UTRN: variants seen among roughly 807,000 people sequenced by gnomAD.
The protein encoded by UTRN is dystrophin-related protein 1.
In UTRN, 283 loss-of-function variants were observed where a neutral mutation model predicts 463.9. That is an observed-to-expected ratio of 0.61 (90% CI 0.55 to 0.67). The LOEUF is 0.67. Among genes scored for constraint, UTRN ranks in the 30% least tolerant of loss-of-function variants. UTRN has a pLI of 0.00. For missense variants in UTRN, 3,922 were observed against 4,084.3 expected (o/e 0.96, Z 1.08); for synonymous variants, 1,442 against 1,431.5 (o/e 1.01, Z -0.17).
chr6:144,569,400 A>G (rs1268364958), intron 50 of UTRN, among the ~76,000 whole-genome samples: 3 of 152,148 alleles, frequency 2.0e-5, no homozygotes, highest in African/African-American at 4.8e-5. Context: ...AAATTCCAGG[A>G]CACTTATCAT....
chr6:144,836,743 C>T, intron 71 of UTRN: 5 of 761,512 alleles, frequency 6.6e-6, no homozygotes, highest in Non-Finnish European at 1.0e-5. Flanking sequence ...GTTTGCCCAG[C>T]TTACAATGGA....
intron 9 of UTRN, among the ~76,000 whole-genome samples, chr6:144,435,377 C>G (rs1786438593): frequency 6.6e-6 from 1 of 152,068 alleles, no homozygotes; most frequent in Admixed American, 6.5e-5. Context: ...TCAGATAAAC[C>G]AGAGGGCAAC....
Position 144,286,241 on chromosome 6 carries a change from A to T in UTRN, c.-93+420A>T, listed in dbSNP as rs983712383. 6.6e-6 allele frequency among the ~76,000 whole-genome samples: 1 copy of T among 150,954 alleles called. No homozygotes were observed. The highest frequency in any genetic ancestry group is 2.5e-5 in the African/African-American group (1 of 40,246). On this transcript the variant is annotated intron_variant, in intron 1 of 74. Transcript: ENST00000367545. The surrounding 1 kb of genome is among the most constrained non-coding windows in gnomAD (Gnocchi z 4.4). Reference sequence around the variant, plus strand: ...TTTGCAAGAGGGGACGTGGCCTCTTAGGAGAGTCTGTCACAGACACCCGGG... The same window carrying T: ...TTTGCAAGAGGGGACGTGGCCTCTTTGGAGAGTCTGTCACAGACACCCGGG...
At chr6:144,559,182 G>A (rs1585269277) in intron 50 of UTRN, among the ~76,000 whole-genome samples, 1 of 151,764 alleles carries the variant, frequency 6.6e-6, no homozygotes, top group Non-Finnish European at 1.5e-5. Context: ...GATGGAAGAG[G>A]CAATTAAAAA....
At position 144,448,636 on chromosome 6, in the gene UTRN, A is replaced by T. The variant is rs759019879; in HGVS notation, c.1939A>T (p.Ile647Phe). The change falls in exon 17 of 75, where the codon ATT (isoleucine) becomes TTT (phenylalanine). Residue 647 changes from isoleucine (I) to phenylalanine (F), a missense_variant. This residue lies in a region of UTRN where 2,349 missense variants were observed against 2,303.8 expected (regional missense o/e 1.02). Transcript: ENST00000367545. Reference sequence around the variant, plus strand: ...TGTAGCAAAGCTGGGGATGTCTCAGATTCCTCAGAAGGACCTTTTGGAGAC... The same window carrying T: ...TGTAGCAAAGCTGGGGATGTCTCAGTTTCCTCAGAAGGACCTTTTGGAGAC... ...QAVAKLGMSQIPQKDLLETVR... is the reference protein window; with the variant it reads ...QAVAKLGMSQFPQKDLLETVR... 3.3e-5 allele frequency: 53 copies of T among 1,613,876 alleles called. No individual in the cohort carries two copies. The highest frequency in any genetic ancestry group is 4.3e-5 in the Non-Finnish European group (51 of 1,179,906).
At chr6:144,551,439 T>C (rs1253934536) in intron 48 of UTRN, among the ~76,000 whole-genome samples, 1 of 152,216 alleles carries the variant, frequency 6.6e-6, no homozygotes, top group Non-Finnish European at 1.5e-5. Context: ...CATTATACTT[T>C]ATTCTCTAAA....
chr6:144,521,920 T>G, intron 39 of UTRN, 60 bp from the exon 40 acceptor site: 1 of 1,049,262 alleles, frequency 9.5e-7, no homozygotes, highest in Non-Finnish European at 1.2e-6. Flanking sequence ...TTATTCATTG[T>G]GGGGGTATTT....
At chr6:144,419,739 G>T (rs1331454491) in intron 3 of UTRN, among the ~76,000 whole-genome samples, 1 of 152,152 alleles carries the variant, frequency 6.6e-6, no homozygotes, top group Non-Finnish European at 1.5e-5. Context: ...TGAAGCCTTT[G>T]CCCACTCCCT....
rs150700386 is a variant in UTRN at position 144,743,446 on chromosome 6, T to C, written c.7940-4800T>C. ...AAAGGAAGAGTTTTTTTTCCTCTAC[T>C]ATCAAGATTTCTTTGAGATATACAG... is the stretch of plus-strand genomic sequence containing the variant. On this transcript the variant is annotated intron_variant, in intron 54 of 74. Coordinates refer to ENST00000367545, the MANE Select transcript of UTRN (RefSeq NM_007124.3). Among the ~76,000 whole-genome samples the C allele has an allele frequency of 2.6e-4, 39 of 152,352 alleles. No homozygotes were observed. In the East Asian group the frequency reaches 4.0e-3, roughly 16 times the overall value.
intron 23 of UTRN, among the ~76,000 whole-genome samples, chr6:144,472,235 G>A (rs535548882): frequency 5.3e-5 from 8 of 152,042 alleles, no homozygotes; most frequent in African/African-American, 1.9e-4. Flanking sequence ...AAAGAATGTC[G>A]TGGTCACCAG....
chr6:144,356,032 G>A (rs1425377669), intron 2 of UTRN, among the ~76,000 whole-genome samples: 1 of 152,192 alleles, frequency 6.6e-6, no homozygotes, highest in Non-Finnish European at 1.5e-5. Context: ...CAATTCTTGT[G>A]AGAATGATTC....
chr6:144,524,654 CT>C (rs1459192062), intron 41 of UTRN, among the ~76,000 whole-genome samples: 1 of 152,088 alleles, frequency 6.6e-6, no homozygotes, highest in Non-Finnish European at 1.5e-5. Flanking sequence ...GTTTGAGTTC[CT>C]TTTAACCAAT....
intron 3 of UTRN, among the ~76,000 whole-genome samples, chr6:144,418,638 A>G (rs528400727): frequency 1.3e-4 from 19 of 151,468 alleles, no homozygotes; most frequent in Admixed American, 1.1e-3. Context: ...TGCAGTCTCC[A>G]TCTCCTCTGG....
chr6:144,780,088 T>G (rs933902572), intron 60 of UTRN, among the ~76,000 whole-genome samples: 13 of 152,216 alleles, frequency 8.5e-5, no homozygotes, highest in African/African-American at 3.1e-4. Context: ...ATGGACACAT[T>G]TCATACATGT....
chr6:144,618,666 AT>A (rs1248787321), intron 51 of UTRN, among the ~76,000 whole-genome samples: 2 of 152,108 alleles, frequency 1.3e-5, no homozygotes, highest in Non-Finnish European at 1.5e-5. Context: ...TTTGACAGAT[AT>A]TTATTTTTGT....
chr6:144,636,642 C>T (rs1016347360), intron 51 of UTRN, among the ~76,000 whole-genome samples: 17 of 152,186 alleles, frequency 1.1e-4, no homozygotes, highest in African/African-American at 4.1e-4. Flanking sequence ...GTATTCTTTT[C>T]CTCATATTTC....
intron 2 of UTRN, chr6:144,397,935 C>T (rs1044136112): frequency 1.2e-5 from 2 of 165,576 alleles, no homozygotes; most frequent in Admixed American, 1.2e-4. Context: ...TTTCCTTTCC[C>T]TTCTCACTTC....
At chr6:144,719,603 T>C (rs1786885510) in intron 53 of UTRN, among the ~76,000 whole-genome samples, 1 of 151,784 alleles carries the variant, frequency 6.6e-6, no homozygotes, top group Non-Finnish European at 1.5e-5. Flanking sequence ...GAAAGAAAAT[T>C]TGAAGCAAAA....
chr6:144,650,865 C>T (rs961100683), intron 51 of UTRN, among the ~76,000 whole-genome samples: 12 of 151,938 alleles, frequency 7.9e-5, no homozygotes, highest in East Asian at 1.9e-4. Flanking sequence ...GCCCAGACTG[C>T]GCTACTGCAC....
Sources: gnomAD v4.1 joint callset for allele counts (sites outside exome capture counted in the v4.1 genomes callset) on GRCh38, gnomAD v4.1.1 for gene constraint, gnomAD v4.1.1 regional missense constraint, Gnocchi (gnomAD v3.1) non-coding constraint, MANE v1.5 for transcripts, NCBI Gene and HGNC (gene_info 2026-07-23, HGNC 2026-07-21) for gene names.